The following OGA variants were observed in gnomAD, a reference collection of about 807,000 sequenced individuals.
OGA encodes O-GlcNAcase, also known as protein O-GlcNAcase.
In OGA, 21 loss-of-function variants were observed where a neutral mutation model predicts 102.0. That is an observed-to-expected ratio of 0.21 (90% CI 0.15 to 0.30). The LOEUF is 0.30. OGA is among the 10% of genes least tolerant of loss of function. The pLI is 1.00. For missense variants in OGA, 765 were observed against 1,107.8 expected, an observed-to-expected ratio of 0.69 and a Z score of 4.39; for synonymous variants, 408 against 378.2, an observed-to-expected ratio of 1.08 and a Z score of -0.91.
At chr10:101,813,702 T>C (rs2065586290) in intron 1 of OGA, 96 bp from the exon 2 acceptor site, 1 of 670,476 alleles carries the variant, frequency 1.5e-6, no homozygotes, top group East Asian at 2.9e-5. Flanking sequence ...ACAATCCTAT[T>C]TTGTAAAAAG....
At position 101,784,625 on chromosome 10, in the gene OGA, G is replaced by C. The variant is rs1238893718; in HGVS notation, c.*1826C>G. The C allele has an allele frequency of 6.6e-6, 1 of 152,412 alleles. No homozygotes were observed. The highest frequency in any genetic ancestry group is 2.4e-5 in the African/African-American group (1 of 41,444). The allele number at this position is 152,412 out of a possible 1,614,324, so 9.4% of individuals were successfully genotyped here. A position where few individuals can be genotyped will look rare whatever the true frequency, so the allele number is the denominator to read the frequency against. The stretch of plus-strand genomic sequence containing the variant: ...TGATGAAAGCAAGACCAGGGCATCT[G>C]TTTCACAGTCACCTGTGACCAGACC... On this transcript the variant is annotated 3_prime_UTR_variant, in exon 16 of 16. Transcript: ENST00000361464.
At chr10:101,796,742 TG>T (rs1448912233) in intron 10 of OGA, among the ~76,000 whole-genome samples, 9 of 152,104 alleles carry the variant, frequency 5.9e-5, no homozygotes, top group Non-Finnish European at 1.0e-4. Context: ...GGCTAATTTT[TG>T]TATTTTTTTA....
intron 1 of OGA, 114 bp downstream of exon 1, chr10:101,817,710 T>A: frequency 8.1e-7 from 1 of 1,235,564 alleles, no homozygotes; most frequent in Non-Finnish European, 1.1e-6. Context: ...GAGGGCCACA[T>A]TTCAGACCCA....
intron 7 of OGA, among the ~76,000 whole-genome samples, chr10:101,802,416 G>A (rs1274710697): frequency 6.6e-6 from 1 of 152,238 alleles, no homozygotes; most frequent in Non-Finnish European, 1.5e-5. Flanking sequence ...GCTCACGCCT[G>A]TAATCCCAGC....
intron 10 of OGA, chr10:101,797,012 T>C (rs962014716): frequency 4.0e-5 from 6 of 151,716 alleles, no homozygotes; most frequent in Non-Finnish European, 2.9e-5. Flanking sequence ...AGCTAATTAG[T>C]TGTATCACAG....
Position 101,817,944 on chromosome 10 carries a change from C to A in OGA, c.79G>T (p.Ala27Ser). ...GGAGCTGCCGGCGGCTCCAGCGATG[C>A]CCCCGCAGAGGCGGCAGGGTTGGAG... ...LSSNPAASAG[A>S]SLEPPAAPAP... Residue 27 changes from alanine to serine, a missense_variant, in exon 1 of 16, where the codon GCA (alanine) becomes TCA (serine). Coordinates refer to ENST00000361464, the MANE Select transcript of OGA (RefSeq NM_012215.5). 1 of 1,595,512 alleles carries A rather than the reference C, an allele frequency of 6.3e-7. No individual in the cohort carries two copies. The highest frequency in any genetic ancestry group is 1.3e-5 in the African/African-American group (1 of 74,446).
Position 101,813,013 on chromosome 10 carries a change from A to G in OGA, c.349+17T>C. ...CTTCACAGATTTTGAATTTATGGAT[A>G]AAAAGAAAAAGATTACCAGCTTCCT... On this transcript the variant is annotated intron_variant, in intron 3 of 15. Transcript: ENST00000361464. The G allele has an allele frequency of 6.5e-7, 1 of 1,550,204 alleles. No individual in the cohort carries two copies. The highest frequency in any genetic ancestry group is 8.9e-7 in the Non-Finnish European group (1 of 1,127,862).
chr10:101,789,526 C>T (rs950382590), intron 14 of OGA, among the ~76,000 whole-genome samples: 1 of 151,634 alleles, frequency 6.6e-6, no homozygotes, highest in African/African-American at 2.4e-5. Flanking sequence ...AATAAAAAGA[C>T]TATGAATACT....
Position 101,797,982 on chromosome 10 carries a change from A to C in OGA, c.1982T>G (p.Leu661Ter). 1 of 1,611,606 alleles carries C rather than the reference A, an allele frequency of 6.2e-7. No individual in the cohort carries two copies. Among genetic ancestry groups the C allele is most frequent in the Non-Finnish European group, 8.5e-7 (1 of 1,178,416 alleles). The stretch of plus-strand genomic sequence containing the variant: ...GAGATTATTCCTGGTGCACCTACCT[A>C]ACCACTGTACAAAAGACTTCACCAT... ...MSMVKSFVQW[L>*]GCRSHSSAQF... is the part of the protein sequence containing the mutation. Residue 661 changes from leucine (L) to a stop codon, truncating the protein, a stop_gained and splice_region_variant, in exon 10 of 16, where the codon TTA (leucine) becomes TGA (stop). Transcript: ENST00000361464. LOFTEE classifies it high-confidence loss of function.
chr10:101,812,387 G>A (rs749170921), intron 3 of OGA, among the ~76,000 whole-genome samples: 18 of 151,996 alleles, frequency 1.2e-4, no homozygotes, highest in Non-Finnish European at 2.4e-4. Flanking sequence ...CAGCCTGGGG[G>A]ACAGAGCAAG....
intron 1 of OGA, among the ~76,000 whole-genome samples, chr10:101,815,287 T>C (rs1355535834): frequency 1.3e-5 from 2 of 152,068 alleles, no homozygotes; most frequent in Admixed American, 6.5e-5. Flanking sequence ...ATATTCTTTT[T>C]TTTTTTTCTC....
chr10:101,815,612 C>G (rs1430429460), intron 1 of OGA, among the ~76,000 whole-genome samples: 1 of 152,094 alleles, frequency 6.6e-6, no homozygotes, highest in African/African-American at 2.4e-5. Context: ...TCAGGCAGAC[C>G]TATACAAGTC....
chr10:101,785,713 T>G lies in OGA; in HGVS notation c.*738A>C, dbSNP rs976440740. 1 of 152,588 alleles carries G rather than the reference T, an allele frequency of 6.6e-6. No homozygotes were observed. Among genetic ancestry groups the G allele is most frequent in the Non-Finnish European group, 1.5e-5 (1 of 68,042 alleles). The allele number at this position is 152,588 out of a possible 1,614,324, so 9.5% of individuals were successfully genotyped here. On this transcript the variant is annotated 3_prime_UTR_variant, in exon 16 of 16. Coordinates refer to ENST00000361464, the MANE Select transcript of OGA (RefSeq NM_012215.5). ...AGTGCCATTCTGAACCAACACCCTT[T>G]CATTTATAGAGGAAAAAAATTTACA...
chr10:101,801,587 CTTAG>C (rs2065392947), intron 7 of OGA, among the ~76,000 whole-genome samples: 1 of 152,088 alleles, frequency 6.6e-6, no homozygotes, highest in Non-Finnish European at 1.5e-5. Context: ...GTCTGCCACC[CTTAG>C]TATGTTCCTT....
chr10:101,792,326 A>T (rs2065269554), intron 12 of OGA, among the ~76,000 whole-genome samples: 2 of 152,172 alleles, frequency 1.3e-5, no homozygotes, highest in South Asian at 4.1e-4. Context: ...TTTTTAATAG[A>T]GAAAGGGTTT....
At chr10:101,806,270 T>C (rs1485253465) in intron 5 of OGA, 127 bp from the exon 6 acceptor site, 11 of 544,956 alleles carry the variant, frequency 2.0e-5, no homozygotes, top group Non-Finnish European at 3.7e-5. Flanking sequence ...TGGCACGATC[T>C]CGGCTCACTG....
chr10:101,789,288 C>T (rs565258692), intron 14 of OGA, among the ~76,000 whole-genome samples: 10 of 152,252 alleles, frequency 6.6e-5, no homozygotes, highest in East Asian at 1.9e-4. Context: ...CACCTGAGGT[C>T]GGGAGTTTGA....
chr10:101,799,806 C>T (rs1332063603), intron 8 of OGA, among the ~76,000 whole-genome samples: 1 of 152,072 alleles, frequency 6.6e-6, no homozygotes, highest in Non-Finnish European at 1.5e-5. Flanking sequence ...TTTAAAAATC[C>T]TTATTCTCTA....
At chr10:101,787,852 G>A (rs1290384840) in intron 14 of OGA, 1 of 209,078 alleles carries the variant, frequency 4.8e-6, no homozygotes, top group Non-Finnish European at 9.8e-6. Flanking sequence ...TCGGCCTCCT[G>A]AAGTGCTAGA....
Sources: gnomAD v4.1 joint callset for allele counts (sites outside exome capture counted in the v4.1 genomes callset) on GRCh38, gnomAD v4.1.1 for gene constraint, MANE v1.5 for transcripts, NCBI Gene and HGNC (gene_info 2026-07-23, HGNC 2026-07-21) for gene names.